EPM2A: variants seen among roughly 807,000 people sequenced by gnomAD.
EPM2A encodes EPM2A glucan phosphatase, laforin.
Under a neutral mutation model 26.5 loss-of-function variants are expected in EPM2A, and 21 were observed. The ratio of observed to expected loss-of-function variants is 0.79; its 90% CI spans 0.56 to 1.14. The LOEUF (loss-of-function observed/expected upper bound fraction) is 1.14, where lower values mean the gene tolerates loss of function less well. Among genes scored for constraint, EPM2A ranks in the 50% most tolerant of loss-of-function variants. The probability of loss-of-function intolerance (pLI) is 0.00; values close to 1 mark genes in which losing one functional copy is unlikely to be tolerated. For missense variants in EPM2A, 458 were observed against 440.8 expected (o/e 1.04, Z -0.35); for synonymous variants, 217 against 177.6 (o/e 1.22, Z -1.76).
intron 2 of EPM2A, among the ~76,000 whole-genome samples, chr6:145,673,230 A>G (rs1490630330): frequency 1.3e-5 from 2 of 152,234 alleles, no homozygotes; most frequent in East Asian, 1.9e-4. Context: ...TTCCTCAAAA[A>G]TAAATAATAG....
chr6:145,570,965 A>T (rs1030257555), intron 2 of EPM2A, among the ~76,000 whole-genome samples: 3 of 152,194 alleles, frequency 2.0e-5, no homozygotes, highest in African/African-American at 7.2e-5. Context: ...CAAAGTGTCC[A>T]GGTGGCAATC....
chr6:145,608,578 C>A (rs1407337849), intron 2 of EPM2A, among the ~76,000 whole-genome samples: 1 of 150,266 alleles, frequency 6.7e-6, no homozygotes, highest in Non-Finnish European at 1.5e-5. Flanking sequence ...CTTAGTCAAT[C>A]TACTCTCTAC....
chr6:145,541,102 C>T (rs1281587778), intron 2 of EPM2A, among the ~76,000 whole-genome samples: 1 of 151,604 alleles, frequency 6.6e-6, no homozygotes, highest in African/African-American at 2.4e-5. Flanking sequence ...TCTTGTGACC[C>T]AGAAAAAAGC....
At chr6:145,389,641 T>A (rs142294980) in intron 4 of EPM2A, among the ~76,000 whole-genome samples, 1 of 152,226 alleles carries the variant, frequency 6.6e-6, no homozygotes, top group Non-Finnish European at 1.5e-5. Context: ...TAGCACATAA[T>A]TGGTGTTCCA....
intron 4 of EPM2A, among the ~76,000 whole-genome samples, chr6:145,394,966 G>A (rs1349298437): frequency 6.6e-6 from 1 of 152,094 alleles, no homozygotes. Flanking sequence ...TTGACTTACT[G>A]ACACTCTTCA....
intron 4 of EPM2A, among the ~76,000 whole-genome samples, chr6:145,420,068 T>C (rs1178682919): frequency 1.3e-5 from 2 of 152,126 alleles, no homozygotes; most frequent in African/African-American, 4.8e-5. Flanking sequence ...GACAGGATCA[T>C]CTTCTGAGAG....
intron 2 of EPM2A, among the ~76,000 whole-genome samples, chr6:145,571,770 C>A (rs1184309741): frequency 6.6e-6 from 1 of 152,326 alleles, no homozygotes; most frequent in East Asian, 1.9e-4. Context: ...TCCATGCCAC[C>A]ATGGCCACTT....
chr6:145,446,385 G>A (rs141781652), intron 4 of EPM2A, among the ~76,000 whole-genome samples: 7 of 144,360 alleles, frequency 4.8e-5, no homozygotes, highest in African/African-American at 1.7e-4. Context: ...ATCATCAGTG[G>A]GCCTGTTTCT....
At chr6:145,656,473 G>A (rs929120628) in intron 2 of EPM2A, among the ~76,000 whole-genome samples, 1 of 152,196 alleles carries the variant, frequency 6.6e-6, no homozygotes, top group Non-Finnish European at 1.5e-5. Context: ...GTCTTTCTAT[G>A]GGAAAATTAA....
chr6:145,422,074 T>A (rs201781130), intron 4 of EPM2A, among the ~76,000 whole-genome samples: 20 of 132,984 alleles, frequency 1.5e-4, no homozygotes, highest in African/African-American at 5.7e-4. Context: ...TATATATATA[T>A]ATAGAGAGAG....
At chr6:145,421,091 A>G (rs2114683387) in intron 4 of EPM2A, among the ~76,000 whole-genome samples, 1 of 152,332 alleles carries the variant, frequency 6.6e-6, no homozygotes, top group South Asian at 2.1e-4. Flanking sequence ...AAATTCTTTG[A>G]GAACCGAAGC....
At chr6:145,687,496 T>C (rs1035888720) in intron 1 of EPM2A, among the ~76,000 whole-genome samples, 2 of 152,200 alleles carry the variant, frequency 1.3e-5, no homozygotes, top group African/African-American at 4.8e-5. Context: ...TTATTTTTAC[T>C]ACCTTTTTAT....
intron 2 of EPM2A, among the ~76,000 whole-genome samples, chr6:145,564,180 A>G (rs753872632): frequency 3.9e-5 from 6 of 152,234 alleles, no homozygotes; most frequent in Non-Finnish European, 8.8e-5. Flanking sequence ...TTTAATCTGC[A>G]GTTGATTGAA....
chr6:145,635,452 G>A lies in EPM2A; in HGVS notation c.511C>T (p.Arg171Cys), dbSNP rs371974399. Residue 171 changes from arginine (R) to cysteine (C), a missense_variant, in exon 3 of 4, where the codon CGT becomes TGT. Arg to Cys is a radical substitution (Grantham distance 180, BLOSUM62 -3). Transcript: ENST00000367519. ...LPNIWLGSCPRQVEHVTIKLK... is the reference protein window; with the variant it reads ...LPNIWLGSCPCQVEHVTIKLK... ...TTGATGGTTACATGTTCCACCTGACGAGGGCAGCTACCCAGCCAGATATTT... is the reference window on the plus strand; with the variant it reads ...TTGATGGTTACATGTTCCACCTGACAAGGGCAGCTACCCAGCCAGATATTT... 4.3e-6 allele frequency: 7 copies of A among 1,613,668 alleles called. No individual in the cohort carries two copies. Among genetic ancestry groups the A allele is most frequent in the South Asian group, 2.2e-5 (2 of 91,084 alleles).
At chr6:145,411,864 T>TAGAG (rs1417171987) in intron 4 of EPM2A, among the ~76,000 whole-genome samples, 2 of 152,180 alleles carry the variant, frequency 1.3e-5, no homozygotes, top group Non-Finnish European at 2.9e-5. Flanking sequence ...ATAGTAGGTA[T>TAGAG]AGAGCAAGGG....
At chr6:145,656,803 T>C (rs1778326460) in intron 2 of EPM2A, among the ~76,000 whole-genome samples, 1 of 152,206 alleles carries the variant, frequency 6.6e-6, no homozygotes, top group Non-Finnish European at 1.5e-5. Flanking sequence ...GTACTGGAAG[T>C]GCTGGAAAAA....
At chr6:145,728,467 T>C (rs1234506114) in intron 1 of EPM2A, among the ~76,000 whole-genome samples, 3 of 152,174 alleles carry the variant, frequency 2.0e-5, no homozygotes, top group Non-Finnish European at 4.4e-5. Context: ...GGAACTACAG[T>C]AGTCACTCAT....
At chr6:145,628,023 A>C (rs1282608778) in intron 3 of EPM2A, 3 of 306,380 alleles carry the variant, frequency 9.8e-6, no homozygotes, top group Non-Finnish European at 1.8e-5. Context: ...TTTCACATGA[A>C]GTTTTTGCAG....
At chr6:145,431,880 G>T (rs1324136160) in intron 4 of EPM2A, among the ~76,000 whole-genome samples, 1 of 152,104 alleles carries the variant, frequency 6.6e-6, no homozygotes, top group African/African-American at 2.4e-5. Flanking sequence ...CCTTTCCAAC[G>T]CTGTCTTTGC....
Sources: gnomAD v4.1 joint callset for allele counts (sites outside exome capture counted in the v4.1 genomes callset) on GRCh38, gnomAD v4.1.1 for gene constraint, MANE v1.5 for transcripts, NCBI Gene and HGNC (gene_info 2026-07-23, HGNC 2026-07-21) for gene names.